The following CYP26B1 variants were observed in gnomAD, a reference collection of about 807,000 sequenced individuals.
CYP26B1 encodes cytochrome P450 family 26 subfamily B member 1.
A neutral mutation model predicts 39.1 loss-of-function variants in CYP26B1; 8 were observed. The ratio of observed to expected loss-of-function variants is 0.20; its 90% CI spans 0.12 to 0.37. The LOEUF is 0.37. Among genes scored for constraint, CYP26B1 ranks in the 10% least tolerant of loss-of-function variants. CYP26B1 has a pLI of 1.00. For missense variants in CYP26B1, 615 were observed against 707.0 expected (o/e 0.87, Z 1.48); for synonymous variants, 321 against 314.3 (o/e 1.02, Z -0.23).
intron 2 of CYP26B1, among the ~76,000 whole-genome samples, chr2:72,136,759 T>C (rs1414581662): frequency 1.3e-5 from 2 of 152,114 alleles, no homozygotes; most frequent in East Asian, 3.9e-4. Flanking sequence ...CAGAGAGTGA[T>C]GGATAAAGGC....
At chr2:72,140,780 C>A (rs539513507) in intron 2 of CYP26B1, among the ~76,000 whole-genome samples, 2 of 152,326 alleles carry the variant, frequency 1.3e-5, no homozygotes, top group East Asian at 3.9e-4. Flanking sequence ...ACCTCTACCT[C>A]CAAAGCCTAG....
chr2:72,132,365 G>A lies in CYP26B1; in HGVS notation c.1401C>T (p.Ala467=), dbSNP rs1676611750. ...AGGTGATGCGGGGGAAGGTCCGTGT[G>A]GCCAGCTCAAAGCGGCTGGTGCTAG... ...ELASTSRFEL[A]TRTFPRITLV... The change falls in exon 6 of 6, where the codon GCC becomes GCT. Residue 467 remains alanine (A), a synonymous_variant. Transcript: ENST00000001146. The A allele has an allele frequency of 1.9e-6, 3 of 1,611,662 alleles. No homozygotes were observed. Among genetic ancestry groups the A allele is most frequent in the Non-Finnish European group, 1.7e-6 (2 of 1,178,374 alleles).
intron 1 of CYP26B1, among the ~76,000 whole-genome samples, chr2:72,145,558 C>G (rs1403216588): frequency 6.6e-6 from 1 of 152,180 alleles, no homozygotes; most frequent in Non-Finnish European, 1.5e-5. Context: ...GGTGGTGAGG[C>G]GAGGGTTTCC....
intron 2 of CYP26B1, among the ~76,000 whole-genome samples, chr2:72,142,627 C>T (rs1292246669): frequency 6.6e-6 from 1 of 152,224 alleles, no homozygotes; most frequent in Non-Finnish European, 1.5e-5. Context: ...ACTCTCCTCG[C>T]TCTTTGGAAT....
chr2:72,143,377 G>T (rs1035368744), intron 2 of CYP26B1, among the ~76,000 whole-genome samples: 16 of 152,080 alleles, frequency 1.1e-4, no homozygotes, highest in Admixed American at 4.6e-4. Context: ...CTTTCGGGGG[G>T]GGGTGGGTGC....
chr2:72,134,400 C>G (rs528776369), intron 4 of CYP26B1, among the ~76,000 whole-genome samples: 107 of 152,268 alleles, frequency 7.0e-4, no homozygotes, highest in African/African-American at 2.4e-3. Flanking sequence ...TCCAAATCTC[C>G]CCTGCTCTTC....
At position 72,129,705 on chromosome 2, in the gene CYP26B1, T is replaced by A. The variant is rs1676500652; in HGVS notation, c.*2522A>T. ...AGAACACAAACGCCAGCGCCCAACA[T>A]CGAAAGTGCTTCAATCTGCAAGCCC... On this transcript the variant is annotated 3_prime_UTR_variant, in exon 6 of 6. Transcript: ENST00000001146. The A allele has an allele frequency of 6.6e-6, 1 of 152,312 alleles. No homozygotes were observed. The highest frequency in any genetic ancestry group is 6.6e-5 in the Admixed American group (1 of 15,246). The allele number at this position is 152,312 out of a possible 1,614,324, so 9.4% of individuals were successfully genotyped here.
chr2:72,139,804 A>G (rs993200478), intron 2 of CYP26B1, among the ~76,000 whole-genome samples: 2 of 152,240 alleles, frequency 1.3e-5, no homozygotes, highest in African/African-American at 2.4e-5. Flanking sequence ...CACACCCACC[A>G]GAAGTCCTGA....
intron 1 of CYP26B1, among the ~76,000 whole-genome samples, chr2:72,144,671 A>G (rs1677066756): frequency 6.6e-6 from 1 of 152,186 alleles, no homozygotes; most frequent in Non-Finnish European, 1.5e-5. Context: ...GCCCGGAGGC[A>G]GCAACTACAG....
chr2:72,141,669 G>C (rs368912349), intron 2 of CYP26B1, among the ~76,000 whole-genome samples: 2 of 152,218 alleles, frequency 1.3e-5, no homozygotes, highest in Non-Finnish European at 2.9e-5. Flanking sequence ...TGAGTTCACC[G>C]GGCCTTGGGT....
chr2:72,132,278 G>C lies in CYP26B1; in HGVS notation c.1488C>G (p.Asn496Lys). 6.2e-7 allele frequency: 1 copy of C among 1,605,872 alleles called. No individual in the cohort carries two copies. Among genetic ancestry groups the C allele is most frequent in the Non-Finnish European group, 8.5e-7 (1 of 1,176,544 alleles). The change falls in exon 6 of 6, where the codon AAC becomes AAG. Residue 496 changes from asparagine (N) to lysine (K), a missense_variant. Physicochemically the swap from Asn to Lys is moderately conservative, Grantham distance 94. Coordinates refer to ENST00000001146, the MANE Select transcript of CYP26B1 (RefSeq NM_019885.4). ...CCGTCTCCGGCAGGATCTCGTTCTG[G>C]TTGGAGTCCAGGCCAAAGAACTTGA... ...LSVKFFGLDS[N>K]QNEILPETEA... is the part of the protein sequence containing the mutation.
rs1164643815 is a variant in CYP26B1 at position 72,147,438 on chromosome 2, G to T, written c.204+193C>A. On this transcript the variant is annotated intron_variant, in intron 1 of 5. Coordinates refer to ENST00000001146, the MANE Select transcript of CYP26B1 (RefSeq NM_019885.4). This position sits in a 1 kb window ranked among gnomAD's most constrained non-coding sequence, Gnocchi z 6.1. ...CCAGCCCCCTGAACCTGCGCCGCGGGCGCCAGTGGTCCCGGAACCGCGCTG... is the reference window on the plus strand; with the variant it reads ...CCAGCCCCCTGAACCTGCGCCGCGGTCGCCAGTGGTCCCGGAACCGCGCTG... Among the ~76,000 whole-genome samples the T allele has an allele frequency of 6.6e-6, 1 of 152,182 alleles. No individual in the cohort carries two copies. Among genetic ancestry groups the T allele is most frequent in the East Asian group, 1.9e-4 (1 of 5,184 alleles).
chr2:72,145,636 CCT>C (rs898590671), intron 1 of CYP26B1, among the ~76,000 whole-genome samples: 3 of 152,204 alleles, frequency 2.0e-5, no homozygotes, highest in Non-Finnish European at 4.4e-5. Context: ...TCCTTCTTTT[CCT>C]CTGTTTTTCT....
rs540604257 is a variant in CYP26B1 at position 72,147,570 on chromosome 2, C to T, written c.204+61G>A. On this transcript the variant is annotated intron_variant, in intron 1 of 5. Transcript: ENST00000001146. This position sits in a 1 kb window ranked among gnomAD's most constrained non-coding sequence, Gnocchi z 6.1. ...GCGCCCCCTGGCCGGCCCGCCGCTC[C>T]GTCTGCCCCGCGCTCGCAGCTAGCG... 388 of 1,512,942 alleles carry T rather than the reference C, an allele frequency of 2.6e-4. 1 individual carries two copies. In the South Asian group the frequency reaches 4.5e-3, roughly 18 times the overall value. 93.7% of individuals were successfully genotyped at this position (1,512,942 alleles called of 1,614,324 possible). A position where few individuals can be genotyped will look rare whatever the true frequency, so the allele number is the denominator to read the frequency against.
Position 72,144,401 on chromosome 2 carries a change from G to A in CYP26B1, c.205-188C>T, listed in dbSNP as rs775917224. On this transcript the variant is annotated intron_variant, in intron 1 of 5. Transcript: ENST00000001146. The stretch of plus-strand genomic sequence containing the variant: ...AAGAACTGCGAAGTAGGGCCTAGAG[G>A]ATAATAAATAATGCAAGGAGGCGGA... 74 of 1,402,382 alleles carry A rather than the reference G, an allele frequency of 5.3e-5. No homozygotes were observed. In the South Asian group the frequency reaches 6.2e-4, roughly 12 times the overall value. The allele number at this position is 1,402,382 out of a possible 1,614,324, so 86.9% of individuals were successfully genotyped here. A position where few individuals can be genotyped will look rare whatever the true frequency, so the allele number is the denominator to read the frequency against.
chr2:72,132,464 G>A lies in CYP26B1; in HGVS notation c.1302C>T (p.Phe434=), dbSNP rs146777162. 201 of 1,613,308 alleles carry A rather than the reference G, an allele frequency of 1.2e-4. 2 individuals carry two copies. The South Asian group carries it at 1.3e-3, about 10-fold the overall frequency. The change falls in exon 6 of 6, where the codon TTC becomes TTT. Residue 434 remains phenylalanine (F), a synonymous_variant. Transcript: ENST00000001146. ...CCAGGCAGGTCCGGACACCGCCACCGAACGGGAGGTAATGGAAGCGGCCAT... is the reference window on the plus strand; with the variant it reads ...CCAGGCAGGTCCGGACACCGCCACCAAACGGGAGGTAATGGAAGCGGCCAT... The part of the protein sequence containing the change: ...DKDGRFHYLP[F]GGGVRTCLGK...
rs74645887 is a variant in CYP26B1, at chr2:72,140,749, G to A, written c.429+3240C>T. ...TGGGGCCAAAGGTCAGGGATGGTGGGTGGACAGGCAGGGTTTCTTGACCTC... is the reference window on the plus strand; with the variant it reads ...TGGGGCCAAAGGTCAGGGATGGTGGATGGACAGGCAGGGTTTCTTGACCTC... On this transcript the variant is annotated intron_variant, in intron 2 of 5. Coordinates refer to ENST00000001146, the MANE Select transcript of CYP26B1 (RefSeq NM_019885.4). Among the ~76,000 whole-genome samples, 1,194 of 152,320 alleles carry A rather than the reference G, an allele frequency of 7.8e-3. 18 individuals carry two copies. Among genetic ancestry groups the A allele is most frequent in the African/African-American group, 0.027 (1,102 of 41,576 alleles).
intron 1 of CYP26B1, among the ~76,000 whole-genome samples, chr2:72,146,344 G>A (rs145837551): frequency 7.7e-4 from 116 of 150,248 alleles, no homozygotes; most frequent in African/African-American, 2.8e-3. Flanking sequence ...GAAAGGCTCT[G>A]GGGATTTCTT....
At chr2:72,138,347 G>A (rs1676837899) in intron 2 of CYP26B1, among the ~76,000 whole-genome samples, 1 of 152,176 alleles carries the variant, frequency 6.6e-6, no homozygotes, top group Non-Finnish European at 1.5e-5. Flanking sequence ...GGCGCAGGCT[G>A]GGGCAGAGGG....
Sources: allele counts gnomAD v4.1 joint callset (sites outside exome capture counted in the v4.1 genomes callset), GRCh38; gene constraint gnomAD v4.1.1; non-coding constraint Gnocchi (gnomAD v3.1); transcripts MANE v1.5; gene names NCBI Gene and HGNC (gene_info 2026-07-23, HGNC 2026-07-21).